CYP2J2: variants seen among roughly 807,000 people sequenced by gnomAD.
CYP2J2 encodes cytochrome P450 family 2 subfamily J member 2, also known as cytochrome P450 2J2.
A neutral mutation model predicts 48.8 loss-of-function variants in CYP2J2; 41 were observed. That is an observed-to-expected ratio of 0.84 (90% CI 0.66 to 1.09). The LOEUF is 1.09. Ranked by LOEUF, CYP2J2 falls within the 50% of genes least tolerant of loss-of-function variation. The probability of loss-of-function intolerance (pLI) is 0.00; values close to 1 mark genes in which losing one functional copy is unlikely to be tolerated. For missense variants in CYP2J2, 644 were observed against 617.3 expected (o/e 1.04, Z -0.46); for synonymous variants, 221 against 227.1 (o/e 0.97, Z 0.24).
intron 8 of CYP2J2, 74 bp downstream of exon 8, chr1:59,900,891 G>T (rs1459017106): frequency 2.0e-6 from 3 of 1,526,394 alleles, no homozygotes; most frequent in Non-Finnish European, 2.7e-6. Flanking sequence ...TGAAAACAAG[G>T]GAAAACAGGA....
At chr1:59,969,141 GCA>G in the CYP2J2 span, among the ~76,000 whole-genome samples, 12 of 152,224 alleles carry the variant, frequency 7.9e-5, no homozygotes, top group East Asian at 2.3e-3. Flanking sequence ...CAAAGAGTTA[GCA>G]GCAGGAAGAT....
At chr1:59,966,849 C>T in the CYP2J2 span, among the ~76,000 whole-genome samples, 4 of 152,074 alleles carry the variant, frequency 2.6e-5, no homozygotes, top group Non-Finnish European at 4.4e-5. Context: ...ATCACTAAAC[C>T]GAACACATTT....
At chr1:59,926,409 G>A in intron 1 of CYP2J2, 128 bp downstream of exon 1, 7 of 750,524 alleles carry the variant, frequency 9.3e-6, no homozygotes, top group Non-Finnish European at 1.6e-5. Flanking sequence ...GGTTTTACCA[G>A]GTTACCAGCG....
intron 1 of CYP2J2, among the ~76,000 whole-genome samples, chr1:59,920,094 A>G (rs915896054): frequency 6.6e-6 from 1 of 152,072 alleles, no homozygotes. Flanking sequence ...ATTTTCCACC[A>G]CAGATATAAG....
chr1:59,929,555 A>T (rs1323065170), upstream of CYP2J2, among the ~76,000 whole-genome samples: 1 of 152,224 alleles, frequency 6.6e-6, no homozygotes, highest in African/African-American at 2.4e-5. Context: ...CAACAGATAG[A>T]GGATATCAAT....
chr1:59,958,881 T>C, the CYP2J2 span, among the ~76,000 whole-genome samples: 1 of 152,212 alleles, frequency 6.6e-6, no homozygotes, highest in Non-Finnish European at 1.5e-5. Context: ...TTCTCCTTTC[T>C]AGTTTCTCTA....
chr1:59,928,596 G>A (rs930104796), upstream of CYP2J2, among the ~76,000 whole-genome samples: 1 of 152,182 alleles, frequency 6.6e-6, no homozygotes, highest in Non-Finnish European at 1.5e-5. Context: ...TCATGTTGCA[G>A]AAGCTCTATT....
At chr1:59,942,037 CATTCG>C in the CYP2J2 span, among the ~76,000 whole-genome samples, 1 of 152,178 alleles carries the variant, frequency 6.6e-6, no homozygotes. Flanking sequence ...TTGCAAGCGC[CATTCG>C]TGATAAGTGC....
At chr1:59,964,941 A>T in the CYP2J2 span, among the ~76,000 whole-genome samples, 1 of 152,206 alleles carries the variant, frequency 6.6e-6, no homozygotes, top group African/African-American at 2.4e-5. Context: ...TATTGTAATA[A>T]TCTAGATGAG....
intron 1 of CYP2J2, among the ~76,000 whole-genome samples, chr1:59,925,226 AATT>A (rs1004966854): frequency 3.5e-4 from 54 of 152,292 alleles, no homozygotes; most frequent in African/African-American, 1.2e-3. Context: ...TTCTTTCAGT[AATT>A]GATAGAATAA....
intron 2 of CYP2J2, among the ~76,000 whole-genome samples, chr1:59,914,489 C>A (rs1268473234): frequency 3.9e-5 from 6 of 152,110 alleles, no homozygotes; most frequent in Admixed American, 3.9e-4. Context: ...ACCTCTTTGC[C>A]CCAATCTCTT....
the CYP2J2 span, among the ~76,000 whole-genome samples, chr1:59,932,176 T>C: frequency 6.6e-6 from 1 of 152,142 alleles, no homozygotes; most frequent in African/African-American, 2.4e-5. Context: ...ACTCTGTATA[T>C]TTTTAACGTC....
upstream of CYP2J2, among the ~76,000 whole-genome samples, chr1:59,930,108 TG>T (rs1038762668): frequency 7.2e-5 from 11 of 152,272 alleles, no homozygotes; most frequent in African/African-American, 2.6e-4. Context: ...GGCAGTAGGA[TG>T]ATATATTCTA....
the CYP2J2 span, among the ~76,000 whole-genome samples, chr1:59,954,592 G>GT: frequency 1.4e-5 from 2 of 147,254 alleles, no homozygotes; most frequent in Middle Eastern, 3.4e-3. Context: ...GTGGGTCGGG[G>GT]GGGGATGCAA....
upstream of CYP2J2, among the ~76,000 whole-genome samples, chr1:59,931,574 G>T (rs1036999979): frequency 2.0e-5 from 3 of 152,078 alleles, no homozygotes; most frequent in Non-Finnish European, 2.9e-5. Flanking sequence ...ATAACAGAGA[G>T]AAATTATCAG....
rs11572231 is a variant in CYP2J2, at chr1:59,919,171, G to A, written c.211-3071C>T. 9.9e-4 allele frequency among the ~76,000 whole-genome samples: 151 copies of A among 152,240 alleles called. 4 individuals carry two copies. The East Asian group carries it at 0.027, about 28-fold the overall frequency. ...AGCGAGAGAGAGAGAGAGATCCTAAGAGGCACAAAAATGCATGCTGTTTCT... is the reference window on the plus strand; with the variant it reads ...AGCGAGAGAGAGAGAGAGATCCTAAAAGGCACAAAAATGCATGCTGTTTCT... On this transcript the variant is annotated intron_variant, in intron 1 of 8. Coordinates refer to ENST00000371204, the MANE Select transcript of CYP2J2 (RefSeq NM_000775.4).
chr1:59,915,042 C>T (rs140665450), intron 2 of CYP2J2, among the ~76,000 whole-genome samples: 2 of 152,348 alleles, frequency 1.3e-5, no homozygotes, highest in East Asian at 1.9e-4. Flanking sequence ...ATCTGGCCTA[C>T]GTGCATGTCC....
At chr1:59,950,042 G>A in the CYP2J2 span, among the ~76,000 whole-genome samples, 1 of 152,154 alleles carries the variant, frequency 6.6e-6, no homozygotes, top group Non-Finnish European at 1.5e-5. Flanking sequence ...GACCTGAACA[G>A]GTCAAGACTC....
chr1:59,895,606 T>C (rs1012141100), intron 8 of CYP2J2, among the ~76,000 whole-genome samples: 2 of 152,138 alleles, frequency 1.3e-5, no homozygotes, highest in African/African-American at 4.8e-5. Flanking sequence ...TTCTTTTCCA[T>C]TGCTATTTCT....
Sources: gnomAD v4.1 joint callset for allele counts (sites outside exome capture counted in the v4.1 genomes callset) on GRCh38, gnomAD v4.1.1 for gene constraint, MANE v1.5 for transcripts, NCBI Gene and HGNC (gene_info 2026-07-23, HGNC 2026-07-21) for gene names.